The following ESRRG variants were observed in gnomAD, a reference collection of about 807,000 sequenced individuals.
The protein encoded by ESRRG is estrogen-related receptor gamma.
A neutral mutation model predicts 44.0 loss-of-function variants in ESRRG; 13 were observed. The observed-to-expected ratio is 0.30, with a 90% CI of 0.19 to 0.47. The LOEUF (loss-of-function observed/expected upper bound fraction) is 0.47. Among genes scored for constraint, ESRRG ranks in the 20% least tolerant of loss-of-function variants. The probability of loss-of-function intolerance (pLI) is 1.00; values close to 1 mark genes in which losing one functional copy is unlikely to be tolerated. For missense variants in ESRRG, 395 were observed against 580.6 expected (o/e 0.68, Z 3.29); for synonymous variants, 215 against 214.6 (o/e 1.00, Z -0.02).
chr1:216,747,336 C>G (rs1163042071), intron 2 of ESRRG, among the ~76,000 whole-genome samples: 3 of 152,150 alleles, frequency 2.0e-5, no homozygotes, highest in Non-Finnish European at 2.9e-5. Flanking sequence ...TATGGCAATA[C>G]CATATGATGG....
At chr1:217,063,992 C>G (rs1023758896) in intron 1 of ESRRG, among the ~76,000 whole-genome samples, 1 of 151,888 alleles carries the variant, frequency 6.6e-6, no homozygotes, top group South Asian at 2.1e-4. Flanking sequence ...TTAATCTTCA[C>G]CATATAAACA....
At chr1:216,965,763 G>A (rs903985520) in intron 1 of ESRRG, among the ~76,000 whole-genome samples, 8 of 152,196 alleles carry the variant, frequency 5.3e-5, no homozygotes, top group Non-Finnish European at 1.0e-4. Context: ...GAAAGAGCTG[G>A]GAGTAGGAAG....
At chr1:216,633,263 G>A (rs944226248) in intron 3 of ESRRG, among the ~76,000 whole-genome samples, 2 of 152,158 alleles carry the variant, frequency 1.3e-5, no homozygotes, top group Admixed American at 6.5e-5. Flanking sequence ...CAGAAGAATC[G>A]GAGGGCCTGC....
In ESRRG at chr1:216,519,360, A is replaced by T; in HGVS notation, c.924T>A (p.Ile308=). 6.2e-7 allele frequency: 1 copy of T among 1,613,768 alleles called. No individual in the cohort carries two copies. Among genetic ancestry groups the T allele is most frequent in the South Asian group, 1.1e-5 (1 of 91,072 alleles). The stretch of plus-strand genomic sequence containing the variant: ...ACCGGTATACGACACCAAGGATCAA[A>T]ATTTCCATCCAAGCACTCTGCAGAA... ...MSLLQSAWME[I]LILGVVYRSL... is the part of the protein sequence containing the mutation. Residue 308 remains isoleucine, a synonymous_variant, in exon 6 of 7, where the codon ATT becomes ATA. Transcript: ENST00000408911.
intron 1 of ESRRG, among the ~76,000 whole-genome samples, chr1:217,013,867 C>T (rs746310165): frequency 1.3e-5 from 2 of 151,928 alleles, no homozygotes; most frequent in Non-Finnish European, 2.9e-5. Context: ...CATTAGCACA[C>T]CAGAGTGAAT....
At chr1:216,862,811 G>C (rs1051743756) in intron 2 of ESRRG, 5 of 152,064 alleles carry the variant, frequency 3.3e-5, no homozygotes, top group African/African-American at 7.2e-5. Flanking sequence ...TGAGATCCCC[G>C]TTTATTACGT....
chr1:216,915,562 A>C (rs1006766316), intron 2 of ESRRG, among the ~76,000 whole-genome samples: 5 of 151,900 alleles, frequency 3.3e-5, no homozygotes, highest in Non-Finnish European at 5.9e-5. Context: ...AACCCAAAAC[A>C]GCCAAGATAG....
At chr1:217,060,824 A>ATAGATAGATAGATGATAGT (rs2088265715) in intron 1 of ESRRG, among the ~76,000 whole-genome samples, 1 of 151,854 alleles carries the variant, frequency 6.6e-6, no homozygotes. Context: ...AGATAGATAG[A>ATAGATAGATAGATGATAGT]TAGATAGAAA....
intron 2 of ESRRG, among the ~76,000 whole-genome samples, chr1:216,674,670 T>A (rs536265812): frequency 2.7e-4 from 39 of 143,786 alleles, no homozygotes; most frequent in African/African-American, 9.3e-4. Flanking sequence ...CAGGCTGGAG[T>A]GCAATCATGG....
At chr1:216,825,512 G>A (rs1219311445) in intron 2 of ESRRG, among the ~76,000 whole-genome samples, 9 of 152,164 alleles carry the variant, frequency 5.9e-5, no homozygotes, top group Non-Finnish European at 1.0e-4. Flanking sequence ...CAATTCAGAG[G>A]CTGAGAGAAG....
chr1:216,552,811 G>A (rs1335935647), intron 5 of ESRRG, among the ~76,000 whole-genome samples: 3 of 152,124 alleles, frequency 2.0e-5, no homozygotes, highest in Non-Finnish European at 2.9e-5. Flanking sequence ...ATATTAGAAA[G>A]GGGTGTTACA....
At chr1:216,984,165 A>G (rs1484379585) in intron 1 of ESRRG, among the ~76,000 whole-genome samples, 2 of 152,164 alleles carry the variant, frequency 1.3e-5, no homozygotes, top group Non-Finnish European at 2.9e-5. Context: ...GAAACAAAAG[A>G]AACAAGAGCA....
chr1:217,040,078 G>A (rs1429815470), intron 1 of ESRRG, among the ~76,000 whole-genome samples: 1 of 152,142 alleles, frequency 6.6e-6, no homozygotes, highest in African/African-American at 2.4e-5. Context: ...TGGCAACAAT[G>A]GCTAAATTAT....
chr1:216,622,360 G>T (rs1294902642), intron 3 of ESRRG, among the ~76,000 whole-genome samples: 2 of 152,188 alleles, frequency 1.3e-5, no homozygotes, highest in Non-Finnish European at 2.9e-5. Context: ...ACCGAACCCT[G>T]ATGGCTGGTG....
At chr1:216,944,898 G>T (rs992053651) in intron 1 of ESRRG, among the ~76,000 whole-genome samples, 3 of 152,098 alleles carry the variant, frequency 2.0e-5, no homozygotes, top group African/African-American at 7.2e-5. Context: ...AGCTGACCCA[G>T]CTTCCAGGGT....
intron 1 of ESRRG, among the ~76,000 whole-genome samples, chr1:217,028,863 A>G (rs1476244462): frequency 6.6e-6 from 1 of 152,156 alleles, no homozygotes; most frequent in African/African-American, 2.4e-5. Flanking sequence ...ATTGTTTTCT[A>G]GGCCCTACCT....
At chr1:216,525,744 T>A (rs570682359) in intron 5 of ESRRG, among the ~76,000 whole-genome samples, 2 of 152,120 alleles carry the variant, frequency 1.3e-5, no homozygotes, top group Non-Finnish European at 2.9e-5. Flanking sequence ...AAAAACACCA[T>A]TTGGAAGCCA....
At chr1:216,607,171 C>A (rs1293902004) in intron 3 of ESRRG, among the ~76,000 whole-genome samples, 2 of 152,178 alleles carry the variant, frequency 1.3e-5, no homozygotes, top group Admixed American at 6.5e-5. Flanking sequence ...GACATTCAGA[C>A]TCCTGAGAGG....
upstream of ESRRG, among the ~76,000 whole-genome samples, chr1:217,092,437 C>T (rs555969841): frequency 1.4e-4 from 22 of 152,120 alleles, no homozygotes; most frequent in Non-Finnish European, 2.8e-4. Flanking sequence ...CATTTCTGTG[C>T]CAAGGAAACT....
Sources: gnomAD v4.1 joint callset for allele counts (sites outside exome capture counted in the v4.1 genomes callset) on GRCh38, gnomAD v4.1.1 for gene constraint, MANE v1.5 for transcripts, NCBI Gene and HGNC (gene_info 2026-07-23, HGNC 2026-07-21) for gene names.